Variants in IQCE observed in about 807,000 individuals in gnomAD.
The protein encoded by IQCE is IQ motif containing E.
Under a neutral mutation model 96.0 loss-of-function variants are expected in IQCE, and 115 were observed. That is an observed-to-expected ratio of 1.20 (90% confidence interval 1.03 to 1.40). The LOEUF (loss-of-function observed/expected upper bound fraction) is 1.40, where lower values mean the gene tolerates loss of function less well. Among genes scored for constraint, IQCE ranks in the 40% most tolerant of loss-of-function variants. IQCE has a pLI of 0.00. For missense variants in IQCE, 1,041 were observed against 909.1 expected (o/e 1.15, Z -1.87); for synonymous variants, 412 against 371.2 (o/e 1.11, Z -1.26).
chr7:2,606,004 CAG>C lies in IQCE; in HGVS notation c.1865+8_1865+9del. ...TGGCCCGGGCCAGGCACAGGTGAGT[CAG>C]GGTCACGGGGACGTGGGACACAGAC... On this transcript the variant is annotated splice_region_variant and intron_variant, in intron 20 of 21. Coordinates refer to ENST00000402050, the MANE Select transcript of IQCE (RefSeq NM_152558.5). 2 of 1,605,480 alleles carry C rather than the reference CAG, an allele frequency of 1.2e-6. No individual in the cohort carries two copies. Among genetic ancestry groups the C allele is most frequent in the Non-Finnish European group, 1.7e-6 (2 of 1,176,946 alleles).
chr7:2,600,742 G>C (rs1784377169), intron 17 of IQCE, among the ~76,000 whole-genome samples: 1 of 152,192 alleles, frequency 6.6e-6, no homozygotes, highest in Non-Finnish European at 1.5e-5. Flanking sequence ...TACAAATGTG[G>C]GACGTGCACT....
intron 11 of IQCE, 57 bp downstream of exon 11, chr7:2,584,342 C>T (rs986051678): frequency 9.9e-6 from 15 of 1,519,838 alleles, no homozygotes; most frequent in Non-Finnish European, 1.4e-5. Flanking sequence ...TGTGGAAGCT[C>T]CTCTGAGAAT....
intron 12 of IQCE, among the ~76,000 whole-genome samples, chr7:2,586,668 G>A (rs1783142599): frequency 6.6e-6 from 1 of 152,260 alleles, no homozygotes; most frequent in South Asian, 2.1e-4. Flanking sequence ...TGGAGGAGGG[G>A]AGGAGGACAC....
chr7:2,577,147 C>T (rs1299801128), intron 6 of IQCE, among the ~76,000 whole-genome samples: 1 of 152,250 alleles, frequency 6.6e-6, no homozygotes, highest in African/African-American at 2.4e-5. Flanking sequence ...GAGTGGGAGC[C>T]ACGCAGCTTT....
intron 8 of IQCE, among the ~76,000 whole-genome samples, chr7:2,578,803 G>A (rs975800097): frequency 2.0e-5 from 3 of 152,182 alleles, no homozygotes; most frequent in Non-Finnish European, 4.4e-5. Context: ...AGCTTAACAA[G>A]CGCTCCCAGC....
intron 21 of IQCE, chr7:2,607,455 G>C: frequency 3.8e-6 from 5 of 1,314,996 alleles, no homozygotes; most frequent in Non-Finnish European, 4.8e-6. Context: ...GGTCCTTGCT[G>C]TCTTTATTTT....
intron 3 of IQCE, 100 bp downstream of exon 3, chr7:2,569,099 C>G: frequency 8.6e-7 from 1 of 1,157,860 alleles, no homozygotes; most frequent in East Asian, 2.5e-5. Flanking sequence ...TAGCTGAGAC[C>G]TGACGCCTCA....
rs1424652084 is a variant in IQCE at position 2,559,781 on chromosome 7, G to A, written c.36+564G>A. On this transcript the variant is annotated intron_variant, in intron 1 of 21. Transcript: ENST00000402050. ...GCATTCCAGTGGGGGGGGGGGGGGG[G>A]GCGGAGGGACAAGGTAATAAACAGG... 6.4e-5 allele frequency among the ~76,000 whole-genome samples: 5 copies of A among 78,588 alleles called. 1 individual carries two copies. The highest frequency in any genetic ancestry group is 1.2e-4 in the Non-Finnish European group (4 of 34,048). 51.6% of individuals were successfully genotyped at this position (78,588 alleles called of 152,430 possible).
rs1422071951 is a variant in IQCE at position 2,612,604 on chromosome 7, C to T, written c.*2442C>T. 3.7e-5 allele frequency: 4 copies of T among 109,524 alleles called. No homozygotes were observed. Among genetic ancestry groups the T allele is most frequent in the South Asian group, 2.9e-4 (1 of 3,408 alleles). 6.8% of individuals were successfully genotyped at this position (109,524 alleles called of 1,614,324 possible). A position where few individuals can be genotyped will look rare whatever the true frequency, so the allele number is the denominator to read the frequency against. ...TGGGCGGGGCGAGCTGTGGGTGGGG[C>T]CTAGCCATGGGAGAGGTGAGCTGTG... On this transcript the variant is annotated 3_prime_UTR_variant, in exon 22 of 22. Coordinates refer to ENST00000402050, the MANE Select transcript of IQCE (RefSeq NM_152558.5).
chr7:2,584,056 G>T (rs1307828048), intron 10 of IQCE, among the ~76,000 whole-genome samples, 180 bp from the exon 11 acceptor site: 1 of 152,008 alleles, frequency 6.6e-6, no homozygotes, highest in Non-Finnish European at 1.5e-5. Context: ...AGCCCAGGTG[G>T]CCCAGAGCTG....
intron 9 of IQCE, among the ~76,000 whole-genome samples, chr7:2,583,086 T>C (rs1004575397): frequency 6.6e-6 from 1 of 152,312 alleles, no homozygotes; most frequent in South Asian, 2.1e-4. Flanking sequence ...CGTACAATAG[T>C]TCCCCCCTCG....
At chr7:2,562,233 G>GGC in intron 1 of IQCE, among the ~76,000 whole-genome samples, 1 of 148,788 alleles carries the variant, frequency 6.7e-6, no homozygotes, top group Admixed American at 6.7e-5. Flanking sequence ...TTGGTCTTGG[G>GGC]GTGTGTGTGT....
chr7:2,569,067 G>A (rs935212479), intron 3 of IQCE, 68 bp downstream of exon 3: 11 of 1,491,682 alleles, frequency 7.4e-6, no homozygotes, highest in Non-Finnish European at 1.0e-5. Context: ...AGAATGAAGG[G>A]TATTTGCTTT....
At chr7:2,559,419 G>C (rs1337475829) in intron 1 of IQCE, 6 of 301,956 alleles carry the variant, frequency 2.0e-5, no homozygotes, top group Non-Finnish European at 3.6e-5. Flanking sequence ...GCCCGCGCCC[G>C]CTTTCGCAGA....
intron 16 of IQCE, among the ~76,000 whole-genome samples, chr7:2,595,193 T>A (rs1783929117): frequency 6.6e-6 from 1 of 152,220 alleles, no homozygotes; most frequent in South Asian, 2.1e-4. Context: ...CGAACTGATA[T>A]TTGAGTCTCA....
At position 2,610,329 on chromosome 7, in the gene IQCE, T is replaced by A. The variant is rs1461936201; in HGVS notation, c.*167T>A. ...TTTTGTTTGTGGAAGGAGACCCAAA[T>A]GCCTTTACTTTATTCTCTGGGGAGG... is the stretch of plus-strand genomic sequence containing the variant. On this transcript the variant is annotated 3_prime_UTR_variant, in exon 22 of 22. Transcript: ENST00000402050. The A allele has an allele frequency of 5.1e-6, 3 of 589,050 alleles. No individual in the cohort carries two copies. The Admixed American group carries it at 8.5e-5, about 17-fold the overall frequency. 36.5% of individuals were successfully genotyped at this position (589,050 alleles called of 1,614,324 possible). A position where few individuals can be genotyped will look rare whatever the true frequency, so the allele number is the denominator to read the frequency against.
intron 8 of IQCE, among the ~76,000 whole-genome samples, chr7:2,581,738 C>T (rs1380142930): frequency 1.4e-5 from 2 of 142,678 alleles, no homozygotes; most frequent in Non-Finnish European, 3.0e-5. Context: ...GAGATGGAGT[C>T]TCGCTCTGTC....
At chr7:2,599,001 G>A (rs1784255645) in intron 17 of IQCE, among the ~76,000 whole-genome samples, 1 of 152,108 alleles carries the variant, frequency 6.6e-6, no homozygotes, top group Admixed American at 6.5e-5. Context: ...TCACCTAACG[G>A]CCCTTCCTAT....
At chr7:2,595,175 T>A (rs1235376795) in intron 16 of IQCE, among the ~76,000 whole-genome samples, 199 bp downstream of exon 16, 1 of 152,230 alleles carries the variant, frequency 6.6e-6, no homozygotes, top group Non-Finnish European at 1.5e-5. Context: ...GTCAGCAAAT[T>A]GACTTCTCGA....
Sources: gnomAD v4.1 joint callset for allele counts (sites outside exome capture counted in the v4.1 genomes callset) on GRCh38, gnomAD v4.1.1 for gene constraint, MANE v1.5 for transcripts, NCBI Gene and HGNC (gene_info 2026-07-23, HGNC 2026-07-21) for gene names.